The following SRGAP2B variants were observed in gnomAD, a reference collection of about 807,000 sequenced individuals.
SRGAP2B encodes the protein SLIT-ROBO Rho GTPase activating protein 2B, also known as SLIT-ROBO Rho GTPase-activating protein 2B.
A neutral mutation model predicts 22.2 loss-of-function variants in SRGAP2B; 9 were observed. That is an observed-to-expected ratio of 0.41 (90% CI 0.24 to 0.71). The LOEUF (loss-of-function observed/expected upper bound fraction) is 0.71, where lower values mean the gene tolerates loss of function less well. Among genes scored for constraint, SRGAP2B ranks in the 30% least tolerant of loss-of-function variants. SRGAP2B has a pLI of 0.35. For synonymous variants in SRGAP2B, 36 were observed against 87.4 expected, an observed-to-expected ratio of 0.41 and a Z score of 3.28; for missense variants, 114 against 235.8, an observed-to-expected ratio of 0.48 and a Z score of 3.38.
At chr1:144,917,828 T>A (rs1663972081) in intron 4 of SRGAP2B, 1 of 88,214 alleles carries the variant, frequency 1.1e-5, no homozygotes, top group African/African-American at 6.4e-5. Context: ...GTCTCTCCTT[T>A]CACAGATGAT....
intron 4 of SRGAP2B, among the ~76,000 whole-genome samples, chr1:144,953,601 C>A (rs1368899532): frequency 6.6e-6 from 1 of 152,060 alleles, no homozygotes; most frequent in African/African-American, 2.4e-5. Context: ...ATGTCATATG[C>A]CCCACACCTT....
intron 2 of SRGAP2B, among the ~76,000 whole-genome samples, chr1:145,001,640 CT>C (rs1671170159): frequency 6.7e-6 from 1 of 148,542 alleles, no homozygotes; most frequent in Non-Finnish European, 1.5e-5. Flanking sequence ...CATCAAGATA[CT>C]TTCAGTAAAC....
chr1:144,956,017 CACA>C (rs1342394575), intron 3 of SRGAP2B, among the ~76,000 whole-genome samples: 1 of 146,568 alleles, frequency 6.8e-6, no homozygotes, highest in South Asian at 2.2e-4. Context: ...GTAAGACTAA[CACA>C]ACAAGTAAGA....
chr1:145,044,697 A>AAAAAAAAAAAAAAAAAAAAAAAG (rs1649569361), intron 2 of SRGAP2B, among the ~76,000 whole-genome samples: 1 of 131,308 alleles, frequency 7.6e-6, no homozygotes, highest in Non-Finnish European at 1.6e-5. Context: ...AAAAAAAAAA[A>AAAAAAAAAAAAAAAAAAAAAAAG]AAACAGAAAA....
intron 2 of SRGAP2B, among the ~76,000 whole-genome samples, chr1:145,036,217 A>C (rs1571062182): frequency 8.3e-6 from 1 of 120,158 alleles, no homozygotes; most frequent in Non-Finnish European, 1.7e-5. Flanking sequence ...TTTAATCTCC[A>C]CCAGTCAGTC....
At chr1:144,926,900 T>G (rs1186058685) in intron 4 of SRGAP2B, among the ~76,000 whole-genome samples, 1 of 151,364 alleles carries the variant, frequency 6.6e-6, no homozygotes, top group African/African-American at 2.4e-5. Context: ...CACAGATGAT[T>G]ATTAGTGTTG....
Position 144,929,324 on chromosome 1 carries a change from ATTTAT to A in SRGAP2B, c.424-14575_424-14571del, listed in dbSNP as rs1248256433. On this transcript the variant is annotated intron_variant, in intron 4 of 9. Transcript: ENST00000612199. The stretch of plus-strand genomic sequence containing the variant: ...TTCTGACTTTGATGAAGTTCAATTT[ATTTAT>A]TTTTTCTTTTGTCGCTTGTGCTTTG... Among the ~76,000 whole-genome samples the A allele has an allele frequency of 2.7e-5, 4 of 148,154 alleles. No individual in the cohort carries two copies. In the Middle Eastern group the frequency reaches 0.014, roughly 514 times the overall value.
intron 3 of SRGAP2B, among the ~76,000 whole-genome samples, chr1:144,966,021 T>TA (rs1476101259): frequency 1.3e-5 from 2 of 150,770 alleles, no homozygotes; most frequent in Non-Finnish European, 2.9e-5. Flanking sequence ...CTGATTGGTG[T>TA]ACCTGAAAGT....
At chr1:144,971,800 T>C (rs1553613334) in intron 3 of SRGAP2B, among the ~76,000 whole-genome samples, 1 of 150,924 alleles carries the variant, frequency 6.6e-6, no homozygotes, top group African/African-American at 2.5e-5. Context: ...ACCAAGCCTG[T>C]CATTGTCTGA....
chr1:144,982,651 C>T (rs1223391765), intron 3 of SRGAP2B, among the ~76,000 whole-genome samples: 1 of 150,264 alleles, frequency 6.7e-6, no homozygotes, highest in Non-Finnish European at 1.5e-5. Flanking sequence ...AAGTGACTTG[C>T]TTAAGGTCAC....
At chr1:145,019,122 C>G (rs1296168721) in intron 2 of SRGAP2B, among the ~76,000 whole-genome samples, 1 of 47,434 alleles carries the variant, frequency 2.1e-5, no homozygotes, top group Non-Finnish European at 3.9e-5. Context: ...GCAGGAGCAT[C>G]ACTTGAGTCC....
At chr1:144,940,511 A>G (rs1665944338) in intron 4 of SRGAP2B, among the ~76,000 whole-genome samples, 1 of 148,556 alleles carries the variant, frequency 6.7e-6, no homozygotes. Flanking sequence ...AGTCAAGACA[A>G]CAGCCAGCTG....
intron 3 of SRGAP2B, among the ~76,000 whole-genome samples, chr1:144,984,045 G>T (rs1216282720): frequency 6.6e-6 from 1 of 150,800 alleles, no homozygotes; most frequent in Admixed American, 6.6e-5. Flanking sequence ...TTTCAGCTGG[G>T]CACAGAGGCT....
At chr1:145,082,270 G>A (rs1466165457) in intron 2 of SRGAP2B, among the ~76,000 whole-genome samples, 4 of 143,996 alleles carry the variant, frequency 2.8e-5, no homozygotes, top group Non-Finnish European at 4.4e-5. Context: ...AAACCATAAG[G>A]GACCATTTTC....
At chr1:144,982,256 T>A (rs1201978355) in intron 3 of SRGAP2B, among the ~76,000 whole-genome samples, 119 of 124,100 alleles carry the variant, frequency 9.6e-4, no homozygotes, top group African/African-American at 3.4e-3. Flanking sequence ...TCACATATTA[T>A]TAATTCACTT....
At chr1:145,047,172 T>C (rs1380591441) in intron 2 of SRGAP2B, among the ~76,000 whole-genome samples, 2 of 64,462 alleles carry the variant, frequency 3.1e-5, no homozygotes, top group Non-Finnish European at 2.6e-5. Flanking sequence ...CAAGACTCTG[T>C]CTCAAAAAAA....
At chr1:144,993,999 T>C (rs1354751371) in intron 3 of SRGAP2B, among the ~76,000 whole-genome samples, 2 of 150,026 alleles carry the variant, frequency 1.3e-5, no homozygotes, top group Non-Finnish European at 2.9e-5. Flanking sequence ...TCATCAGCTA[T>C]TGTATTAGCA....
chr1:144,983,126 G>A (rs1262289487), intron 3 of SRGAP2B, among the ~76,000 whole-genome samples: 1 of 148,084 alleles, frequency 6.8e-6, no homozygotes, highest in Non-Finnish European at 1.5e-5. Context: ...TTCCCTCCCG[G>A]GAGCTTCATG....
At position 145,080,983 on chromosome 1, in the gene SRGAP2B, G is replaced by A. The variant is rs1273726774; in HGVS notation, c.67+11852C>T. On this transcript the variant is annotated intron_variant, in intron 2 of 9. Transcript: ENST00000612199. ...AGGCATAGGGAGGTACAGTAGGTAT[G>A]TAACAGAAAGACATTTAAAACACTG... 3.9e-4 allele frequency among the ~76,000 whole-genome samples: 58 copies of A among 148,928 alleles called. 4 individuals carry two copies. The highest frequency in any genetic ancestry group is 8.1e-4 in the Non-Finnish European group (55 of 67,578).
Sources: gnomAD v4.1 joint callset for allele counts (sites outside exome capture counted in the v4.1 genomes callset) on GRCh38, gnomAD v4.1.1 for gene constraint, MANE v1.5 for transcripts, NCBI Gene and HGNC (gene_info 2026-07-23, HGNC 2026-07-21) for gene names.